PCDH11X: variants seen among roughly 807,000 people sequenced by gnomAD.
PCDH11X encodes protocadherin-11 X-linked.
Under a neutral mutation model 53.3 loss-of-function variants are expected in PCDH11X, and 18 were observed. The ratio of observed to expected loss-of-function variants is 0.34; its 90% CI spans 0.23 to 0.50. PCDH11X has a LOEUF of 0.50. PCDH11X is among the 20% of genes least tolerant of loss of function. PCDH11X has a pLI of 0.98. For missense variants in PCDH11X, 570 were observed against 1,032.4 expected (o/e 0.55, Z 6.14); for synonymous variants, 279 against 393.3 (o/e 0.71, Z 3.44).
At chrX:92,568,523 C>T (rs374818815) in intron 10 of PCDH11X, among the ~76,000 whole-genome samples, 6 of 108,316 alleles carry the variant, frequency 5.5e-5, no homozygotes, top group East Asian at 2.8e-4. Context: ...TTCTCTACCA[C>T]GCACAATAAA....
At chrX:92,150,182 T>C (rs1210812090) in intron 6 of PCDH11X, among the ~76,000 whole-genome samples, 2 of 111,874 alleles carry the variant, frequency 1.8e-5, no homozygotes, top group African/African-American at 6.5e-5. Context: ...CCAAAGTTTT[T>C]TTCATAGTGG....
intron 6 of PCDH11X, among the ~76,000 whole-genome samples, chrX:91,917,143 G>A (rs1705565230): frequency 9.1e-6 from 1 of 110,306 alleles, no homozygotes; most frequent in Non-Finnish European, 1.9e-5. Context: ...AGCAAAATTG[G>A]CATACAAAGG....
At chrX:92,243,020 T>G (rs977158985) in intron 7 of PCDH11X, among the ~76,000 whole-genome samples, 1 of 110,581 alleles carries the variant, frequency 9.0e-6, no homozygotes, top group Non-Finnish European at 1.9e-5. Context: ...ATTCCTTTTT[T>G]CAGATATGTG....
At chrX:92,022,365 G>A (rs1372139553) in intron 6 of PCDH11X, among the ~76,000 whole-genome samples, 1 of 108,648 alleles carries the variant, frequency 9.2e-6, no homozygotes, top group Non-Finnish European at 1.9e-5. Flanking sequence ...ACAACAAAAA[G>A]CAGGGGTTGC....
intron 9 of PCDH11X, chrX:92,460,984 A>T: frequency 2.3e-6 from 2 of 865,454 alleles, no homozygotes; most frequent in Admixed American, 4.6e-5. Context: ...TTTGGGGAGC[A>T]GGAGGCCAAT....
intron 7 of PCDH11X, among the ~76,000 whole-genome samples, chrX:92,245,201 T>A (rs2067326659): frequency 8.9e-6 from 1 of 112,698 alleles, no homozygotes; most frequent in Admixed American, 9.4e-5. Context: ...AATACCTTTT[T>A]AAATAAAGCT....
chrX:92,100,759 G>T (rs1202829787), intron 6 of PCDH11X, among the ~76,000 whole-genome samples: 3,890 of 110,017 alleles, frequency 0.035, 200 homozygotes, highest in African/African-American at 0.12. Context: ...AAAATTTTTG[G>T]GGGGGTGGTA....
intron 6 of PCDH11X, among the ~76,000 whole-genome samples, chrX:92,188,217 C>T (rs755045627): frequency 3.5e-4 from 39 of 111,396 alleles, no homozygotes; most frequent in Admixed American, 5.8e-4. Context: ...TCTTTATTCT[C>T]TCTAAGCTCT....
At chrX:92,344,274 C>A (rs995161318) in intron 8 of PCDH11X, among the ~76,000 whole-genome samples, 2 of 109,327 alleles carry the variant, frequency 1.8e-5, no homozygotes, top group African/African-American at 6.6e-5. Flanking sequence ...CCTGTAGAAG[C>A]AAATTAAAGT....
intron 10 of PCDH11X, among the ~76,000 whole-genome samples, chrX:92,560,062 G>A (rs1268658145): frequency 1.8e-5 from 2 of 111,577 alleles, no homozygotes; most frequent in Non-Finnish European, 3.8e-5. Flanking sequence ...TCTTCTTAAG[G>A]CAAGGAAAGC....
chrX:92,422,536 A>G (rs1374977993), intron 9 of PCDH11X, among the ~76,000 whole-genome samples: 1 of 111,126 alleles, frequency 9.0e-6, no homozygotes, highest in Admixed American at 9.6e-5. Context: ...ATAAAACACA[A>G]TTTATTTATT....
intron 10 of PCDH11X, among the ~76,000 whole-genome samples, chrX:92,494,549 C>G: frequency 9.0e-6 from 1 of 111,569 alleles, no homozygotes; most frequent in South Asian, 3.7e-4. Context: ...ATTTGATTTT[C>G]TTTTTTTTAA....
At chrX:92,184,506 A>G (rs2066056024) in intron 6 of PCDH11X, among the ~76,000 whole-genome samples, 1 of 111,948 alleles carries the variant, frequency 8.9e-6, no homozygotes, top group Non-Finnish European at 1.9e-5. Context: ...AGGAACCACA[A>G]AAGACCTTGA....
At chrX:92,149,123 T>A in intron 6 of PCDH11X, among the ~76,000 whole-genome samples, 1 of 110,977 alleles carries the variant, frequency 9.0e-6, no homozygotes. Flanking sequence ...ATCAACCCTA[T>A]AACTGTGGGT....
chrX:92,075,730 T>G (rs2063763277), intron 6 of PCDH11X, among the ~76,000 whole-genome samples: 1 of 111,993 alleles, frequency 8.9e-6, no homozygotes, highest in African/African-American at 3.2e-5. Flanking sequence ...CAAAATTTAC[T>G]TGTAAGAACT....
intron 6 of PCDH11X, among the ~76,000 whole-genome samples, chrX:92,159,448 A>G (rs1377333601): frequency 9.4e-6 from 1 of 106,879 alleles, no homozygotes; most frequent in Non-Finnish European, 1.9e-5. Context: ...TAAAGATTCC[A>G]TAGTCTGAGT....
intron 6 of PCDH11X, among the ~76,000 whole-genome samples, chrX:92,065,501 T>A (rs1402749505): frequency 9.0e-6 from 1 of 111,713 alleles, no homozygotes; most frequent in African/African-American, 3.3e-5. Flanking sequence ...AAGGTTTTCT[T>A]TTCTCCACAT....
intron 4 of PCDH11X, among the ~76,000 whole-genome samples, chrX:91,823,830 A>G (rs1174614776): frequency 2.4e-4 from 27 of 110,659 alleles, no homozygotes; most frequent in Non-Finnish European, 5.1e-4. Flanking sequence ...TCCTTTCCAT[A>G]TTTAGCGCTT....
intron 6 of PCDH11X, among the ~76,000 whole-genome samples, chrX:91,884,856 AG>A (rs1232390307): frequency 9.3e-6 from 1 of 107,406 alleles, no homozygotes; most frequent in Non-Finnish European, 1.9e-5. Context: ...AAGTGTGAAT[AG>A]GATTTGGTCT....
Sources: allele counts gnomAD v4.1 joint callset (sites outside exome capture counted in the v4.1 genomes callset), GRCh38; gene constraint gnomAD v4.1.1; transcripts MANE v1.5; gene names NCBI Gene and HGNC (gene_info 2026-07-23, HGNC 2026-07-21).